The following GFOD1 variants were observed in gnomAD, a reference collection of about 807,000 sequenced individuals.
GFOD1 encodes glucose-fructose oxidoreductase domain-containing protein 1.
Under a neutral mutation model 25.4 loss-of-function variants are expected in GFOD1, and 9 were observed. The ratio of observed to expected loss-of-function variants is 0.35; its 90% CI spans 0.21 to 0.62. The LOEUF is 0.62. GFOD1 is among the 20% of genes least tolerant of loss of function. The pLI is 0.72. For missense variants in GFOD1, 403 were observed against 556.9 expected (o/e 0.72, Z 2.78); for synonymous variants, 253 against 245.6 (o/e 1.03, Z -0.28).
At chr6:13,471,638 T>C (rs538763692) in intron 1 of GFOD1, among the ~76,000 whole-genome samples, 4 of 152,296 alleles carry the variant, frequency 2.6e-5, no homozygotes, top group Admixed American at 1.3e-4. Context: ...CTAATTAGTA[T>C]TGAGACACCC....
chr6:13,444,169 T>G (rs1757964366), intron 1 of GFOD1, among the ~76,000 whole-genome samples: 1 of 152,162 alleles, frequency 6.6e-6, no homozygotes, highest in Admixed American at 6.5e-5. Context: ...CATGGAATAC[T>G]ATGCAGCTAT....
At chr6:13,463,243 G>T (rs1239827797) in intron 1 of GFOD1, among the ~76,000 whole-genome samples, 1 of 152,192 alleles carries the variant, frequency 6.6e-6, no homozygotes, top group Non-Finnish European at 1.5e-5. Context: ...ACTGAGTCTG[G>T]CCTCCCAGTT....
chr6:13,388,489 T>C (rs1480109172), intron 1 of GFOD1, among the ~76,000 whole-genome samples: 1 of 152,024 alleles, frequency 6.6e-6, no homozygotes, highest in East Asian at 1.9e-4. Flanking sequence ...CTTTGACAAA[T>C]ATGACAAAAA....
chr6:13,469,160 A>G, intron 1 of GFOD1: 1 of 795,164 alleles, frequency 1.3e-6, no homozygotes, highest in African/African-American at 1.9e-5. Flanking sequence ...GCCCTCCAGA[A>G]CAGTAAAGAG....
chr6:13,375,149 C>T (rs1194500978), intron 1 of GFOD1, among the ~76,000 whole-genome samples: 2 of 152,206 alleles, frequency 1.3e-5, no homozygotes, highest in Non-Finnish European at 2.9e-5. Flanking sequence ...AGTCACCCTA[C>T]AGTGCTATAG....
At chr6:13,460,691 GGATAAATATCTAATGCATGCAA>G (rs70989860) in intron 1 of GFOD1, among the ~76,000 whole-genome samples, 14 of 150,808 alleles carry the variant, frequency 9.3e-5, no homozygotes, top group African/African-American at 2.9e-4. Context: ...GAGTGTATCA[GGATAAATATCTAATGCATGCAA>G]GATAAATATC....
At chr6:13,380,048 A>C (rs1278433069) in intron 1 of GFOD1, among the ~76,000 whole-genome samples, 1 of 152,260 alleles carries the variant, frequency 6.6e-6, no homozygotes, top group Non-Finnish European at 1.5e-5. Flanking sequence ...AAAAGTGCTC[A>C]TAAATGTCTG....
intron 1 of GFOD1, among the ~76,000 whole-genome samples, chr6:13,422,732 C>T (rs1786281850): frequency 6.6e-6 from 1 of 152,198 alleles, no homozygotes; most frequent in Admixed American, 6.5e-5. Flanking sequence ...TACCAGTAGG[C>T]TGGTTCCTTT....
At chr6:13,400,414 G>T (rs1785819310) in intron 1 of GFOD1, among the ~76,000 whole-genome samples, 1 of 152,068 alleles carries the variant, frequency 6.6e-6, no homozygotes, top group Non-Finnish European at 1.5e-5. Context: ...TGTGCTGATG[G>T]GTTAGTGCCT....
chr6:13,388,833 A>G (rs1365144150), intron 1 of GFOD1, among the ~76,000 whole-genome samples: 7 of 152,274 alleles, frequency 4.6e-5, no homozygotes, highest in African/African-American at 7.2e-5. Context: ...GGCAACCTAC[A>G]GAATGGGAAA....
intron 1 of GFOD1, chr6:13,470,680 A>G (rs1758482541): frequency 6.9e-7 from 1 of 1,440,032 alleles, no homozygotes; most frequent in Non-Finnish European, 9.1e-7. Flanking sequence ...CTCATTTTCT[A>G]CCACCCACTT....
chr6:13,455,515 G>T (rs751705785), intron 1 of GFOD1, among the ~76,000 whole-genome samples: 1 of 152,146 alleles, frequency 6.6e-6, no homozygotes, highest in African/African-American at 2.4e-5. Context: ...ATTCACCAAG[G>T]GTTGACAGTT....
intron 1 of GFOD1, among the ~76,000 whole-genome samples, chr6:13,442,074 A>T (rs1257080708): frequency 6.6e-6 from 1 of 152,194 alleles, no homozygotes; most frequent in African/African-American, 2.4e-5. Flanking sequence ...CCTGGGGAAA[A>T]CCCAGGCAGA....
chr6:13,366,048 T>C (rs1253922349), intron 1 of GFOD1, among the ~76,000 whole-genome samples: 1 of 151,424 alleles, frequency 6.6e-6, no homozygotes, highest in Non-Finnish European at 1.5e-5. Flanking sequence ...GTGAGCTATG[T>C]TCTGGCCACT....
In GFOD1 at chr6:13,360,836, C is replaced by G. The variant is rs35721181; in HGVS notation, c.*3907G>C. 2.2e-6 allele frequency: 1 copy of G among 456,558 alleles called. No individual in the cohort carries two copies. The highest frequency in any genetic ancestry group is 1.5e-5 in the South Asian group (1 of 64,572). 28.3% of individuals were successfully genotyped at this position (456,558 alleles called of 1,614,324 possible). A position where few individuals can be genotyped will look rare whatever the true frequency, so the allele number is the denominator to read the frequency against. ...AGACCCCGTAGACATTGATAAGGAG[C>G]GGTTTCCTGCCTGGCAAGAACAGGA... is the stretch of plus-strand genomic sequence containing the variant. On this transcript the variant is annotated 3_prime_UTR_variant, in exon 2 of 2. Transcript: ENST00000379287.
At chr6:13,390,788 G>A (rs1177810623) in intron 1 of GFOD1, among the ~76,000 whole-genome samples, 7 of 137,884 alleles carry the variant, frequency 5.1e-5, no homozygotes, top group South Asian at 2.2e-4. Flanking sequence ...AGAAAGGAAG[G>A]AAGGAAGGAA....
At chr6:13,470,385 G>A (rs1485031935) in intron 1 of GFOD1, 1 of 1,549,628 alleles carries the variant, frequency 6.5e-7, no homozygotes, top group African/African-American at 1.4e-5. Flanking sequence ...GGGCCTCCAG[G>A]GAAAGCCAGG....
At chr6:13,397,375 G>C (rs1306936780) in intron 1 of GFOD1, among the ~76,000 whole-genome samples, 1 of 152,238 alleles carries the variant, frequency 6.6e-6, no homozygotes, top group Non-Finnish European at 1.5e-5. Flanking sequence ...GAAATGAAAA[G>C]TGGTGTCCAG....
At chr6:13,444,569 A>G (rs1383183218) in intron 1 of GFOD1, among the ~76,000 whole-genome samples, 1 of 152,092 alleles carries the variant, frequency 6.6e-6, no homozygotes, top group Non-Finnish European at 1.5e-5. Context: ...CCTAATGAAA[A>G]TATATGTTCA....
Sources: gnomAD v4.1 joint callset for allele counts (sites outside exome capture counted in the v4.1 genomes callset) on GRCh38, gnomAD v4.1.1 for gene constraint, MANE v1.5 for transcripts, NCBI Gene and HGNC (gene_info 2026-07-23, HGNC 2026-07-21) for gene names.